The following TAF1B variants were observed in gnomAD, a reference collection of about 807,000 sequenced individuals.
TAF1B encodes the protein TATA-box binding protein associated factor, RNA polymerase I subunit B, also known as TATA box-binding protein-associated factor RNA polymerase I subunit B.
In TAF1B, 61 loss-of-function variants were observed where a neutral mutation model predicts 83.9. The observed-to-expected ratio is 0.73, with a 90% CI of 0.59 to 0.90. The LOEUF (loss-of-function observed/expected upper bound fraction) is 0.90. TAF1B is among the 40% of genes least tolerant of loss of function. The pLI, the probability that TAF1B is intolerant of heterozygous loss-of-function variation, is 0.00. For synonymous variants in TAF1B, 221 were observed against 224.6 expected, an observed-to-expected ratio of 0.98 and a Z score of 0.14; for missense variants, 625 against 677.0, an observed-to-expected ratio of 0.92 and a Z score of 0.85.
intron 5 of TAF1B, among the ~76,000 whole-genome samples, chr2:9,857,744 G>T (rs532660983): frequency 1.3e-5 from 2 of 152,286 alleles, no homozygotes; most frequent in African/African-American, 4.8e-5. Context: ...GAGAGAGTGC[G>T]TGCGTGTGAG....
chr2:9,843,681 G>C, intron 1 of TAF1B, 122 bp downstream of exon 1: 1 of 1,165,766 alleles, frequency 8.6e-7, no homozygotes, highest in Non-Finnish European at 1.2e-6. Flanking sequence ...AGGAAGGCGG[G>C]GCGGAGGGCT....
At chr2:9,917,395 G>C (rs983063478) in intron 12 of TAF1B, among the ~76,000 whole-genome samples, 12 of 152,112 alleles carry the variant, frequency 7.9e-5, no homozygotes, top group African/African-American at 2.7e-4. Context: ...TATTATAGAT[G>C]CTACAGATTT....
chr2:9,892,014 G>A (rs1446302252), intron 8 of TAF1B, among the ~76,000 whole-genome samples: 5 of 152,138 alleles, frequency 3.3e-5, no homozygotes, highest in Admixed American at 1.3e-4. Flanking sequence ...AATATTGTAA[G>A]CCTTCACATT....
chr2:9,933,074 C>CT (rs1666266530), intron 14 of TAF1B, among the ~76,000 whole-genome samples: 1 of 152,236 alleles, frequency 6.6e-6, no homozygotes, highest in Non-Finnish European at 1.5e-5. Context: ...CAGGTACAGT[C>CT]TGTCATGGCT....
chr2:9,918,193 T>G (rs1184174568), intron 12 of TAF1B, among the ~76,000 whole-genome samples: 1 of 152,238 alleles, frequency 6.6e-6, no homozygotes, highest in Admixed American at 6.5e-5. Flanking sequence ...TTTTTAAAAT[T>G]ATTATAAGTT....
intron 8 of TAF1B, among the ~76,000 whole-genome samples, chr2:9,890,233 T>C (rs1377322559): frequency 6.6e-6 from 1 of 152,230 alleles, no homozygotes; most frequent in East Asian, 1.9e-4. Context: ...AAGGGATTAG[T>C]GTCCATGCTG....
At chr2:9,906,472 AC>A (rs1338038154) in intron 9 of TAF1B, among the ~76,000 whole-genome samples, 1 of 152,238 alleles carries the variant, frequency 6.6e-6, no homozygotes, top group African/African-American at 2.4e-5. Context: ...GAAAAAAATT[AC>A]CCATAAATGT....
chr2:9,843,561 TAAGGAGG>T lies in TAF1B; in HGVS notation c.18+3_18+9del. Reference sequence around the variant, plus strand: ...GCCGCGATGGACCTCGAGGAGGCGGTAAGGAGGCGGTGCACCTGGCGGGCCACGATCG... The same window carrying T: ...GCCGCGATGGACCTCGAGGAGGCGGTCGGTGCACCTGGCGGGCCACGATCG... On this transcript the variant is annotated splice_donor_5th_base_variant and intron_variant, in intron 1 of 14. Transcript: ENST00000263663. 2.0e-6 allele frequency: 3 copies of T among 1,520,546 alleles called. No homozygotes were observed. The South Asian group carries it at 3.7e-5, about 19-fold the overall frequency. 94.2% of individuals were successfully genotyped at this position (1,520,546 alleles called of 1,614,324 possible).
intron 8 of TAF1B, among the ~76,000 whole-genome samples, chr2:9,897,090 T>A (rs972376800): frequency 1.3e-5 from 2 of 152,194 alleles, no homozygotes; most frequent in African/African-American, 4.8e-5. Flanking sequence ...GAAGCCCTAT[T>A]TACTTCTAGC....
rs1027552954 is a variant in TAF1B, at chr2:9,932,712, A to G, written c.1566-1071A>G. ...AACCACTGCTTTCTTCAGAGCTGTC[A>G]GACAGGGACGTTTAAGTCTGCAGAA... On this transcript the variant is annotated intron_variant, in intron 14 of 14. Coordinates refer to ENST00000263663, the MANE Select transcript of TAF1B (RefSeq NM_005680.3). 3.9e-5 allele frequency among the ~76,000 whole-genome samples: 6 copies of G among 152,260 alleles called. No individual in the cohort carries two copies. In the South Asian group the frequency reaches 6.2e-4, roughly 16 times the overall value.
chr2:9,904,544 A>G (rs1284257887), intron 8 of TAF1B, among the ~76,000 whole-genome samples: 3 of 152,108 alleles, frequency 2.0e-5, no homozygotes, highest in Non-Finnish European at 2.9e-5. Flanking sequence ...TGCTGTTGTA[A>G]ATAGTGCTGT....
At chr2:9,876,089 A>G in intron 7 of TAF1B, 71 bp downstream of exon 7, 3 of 1,447,050 alleles carry the variant, frequency 2.1e-6, no homozygotes, top group Non-Finnish European at 2.8e-6. Context: ...AACTTCGGAT[A>G]TTTTGATTTT....
intron 8 of TAF1B, among the ~76,000 whole-genome samples, 161 bp from the exon 9 acceptor site, chr2:9,904,698 G>A (rs564933): frequency 0.51 from 77,222 of 152,102 alleles, 22,935 homozygotes; most frequent in Non-Finnish European, 0.68. Context: ...ACTAATTTAC[G>A]TTCCTGCCAG....
At chr2:9,888,556 G>A (rs1484406604) in intron 8 of TAF1B, among the ~76,000 whole-genome samples, 1 of 151,890 alleles carries the variant, frequency 6.6e-6, no homozygotes, top group African/African-American at 2.4e-5. Flanking sequence ...TTTTCAGTAG[G>A]TATAGAATTC....
intron 14 of TAF1B, among the ~76,000 whole-genome samples, chr2:9,932,445 G>T (rs1015311299): frequency 6.6e-6 from 1 of 152,198 alleles, no homozygotes; most frequent in African/African-American, 2.4e-5. Context: ...CAGGTCTGTT[G>T]GAGTTTGCTG....
rs1274610463 is a variant in TAF1B, at chr2:9,887,547, C to CA, written c.807+4744dup. On this transcript the variant is annotated intron_variant, in intron 8 of 14. Coordinates refer to ENST00000263663, the MANE Select transcript of TAF1B (RefSeq NM_005680.3). ...TTGTCTGATACTAATATAGCCACTC[C>CA]AAGTTTTTTTTATTGATGTTTGCAC... Among the ~76,000 whole-genome samples the CA allele has an allele frequency of 5.3e-4, 10 of 18,956 alleles. No individual in the cohort carries two copies. The Non-Finnish European group carries it at 0.016, about 30-fold the overall frequency. The allele number at this position is 18,956 out of a possible 152,430, so 12.4% of individuals were successfully genotyped here.
At position 9,843,641 on chromosome 2, in the gene TAF1B, G is replaced by A. The variant is rs917043144; in HGVS notation, c.18+82G>A. The A allele has an allele frequency of 4.4e-6, 6 of 1,373,812 alleles. No individual in the cohort carries two copies. The African/African-American group carries it at 4.6e-5, about 10-fold the overall frequency. The allele number at this position is 1,373,812 out of a possible 1,614,324, so 85.1% of individuals were successfully genotyped here. On this transcript the variant is annotated intron_variant, in intron 1 of 14. Coordinates refer to ENST00000263663, the MANE Select transcript of TAF1B (RefSeq NM_005680.3). ...CTGAGGAGGAGCGGCGGAGGACGCC[G>A]CGGGTTGGGGCGGCGACGCCACCGG...
intron 9 of TAF1B, among the ~76,000 whole-genome samples, chr2:9,906,692 G>A (rs12614753): frequency 0.51 from 78,209 of 151,980 alleles, 23,123 homozygotes; most frequent in Non-Finnish European, 0.68. Flanking sequence ...TATGTATAAC[G>A]TAACCACAGC....
chr2:9,877,815 C>T (rs1664368520), intron 7 of TAF1B, among the ~76,000 whole-genome samples: 1 of 151,528 alleles, frequency 6.6e-6, no homozygotes. Flanking sequence ...TAAGATACTA[C>T]CCACCCCTCT....
Sources: gnomAD v4.1 joint callset for allele counts (sites outside exome capture counted in the v4.1 genomes callset) on GRCh38, gnomAD v4.1.1 for gene constraint, MANE v1.5 for transcripts, NCBI Gene and HGNC (gene_info 2026-07-23, HGNC 2026-07-21) for gene names.